The following ADAM12 variants were observed in gnomAD, a reference collection of about 807,000 sequenced individuals.
ADAM12 encodes the protein ADAM metallopeptidase domain 12, also known as disintegrin and metalloproteinase domain-containing protein 12.
In ADAM12, 70 loss-of-function variants were observed where a neutral mutation model predicts 106.4. The observed-to-expected ratio is 0.66, with a 90% CI of 0.54 to 0.80. The LOEUF is 0.80. Among genes scored for constraint, ADAM12 ranks in the 30% least tolerant of loss-of-function variants. The pLI, the probability that ADAM12 is intolerant of heterozygous loss-of-function variation, is 0.00. For missense variants in ADAM12, 1,010 were observed against 1,171.9 expected, an observed-to-expected ratio of 0.86 and a Z score of 2.02; for synonymous variants, 420 against 433.5, an observed-to-expected ratio of 0.97 and a Z score of 0.39.
intron 3 of ADAM12, among the ~76,000 whole-genome samples, chr10:126,240,246 G>A (rs1446434209): frequency 6.6e-6 from 1 of 152,238 alleles, no homozygotes; most frequent in African/African-American, 2.4e-5. Context: ...ACCAAGACAG[G>A]CACACCCTTT....
At chr10:126,030,426 GGGAGACTGGTGACAGGTGTGAA>G (rs1953952648) in intron 21 of ADAM12, among the ~76,000 whole-genome samples, 2 of 152,202 alleles carry the variant, frequency 1.3e-5, no homozygotes, top group Admixed American at 6.5e-5. Context: ...CTTCTGGGAA[GGGAGACTGGTGACAGGTGTGAA>G]GGAGACTGTT....
chr10:126,081,159 G>T (rs781125861), intron 11 of ADAM12, among the ~76,000 whole-genome samples: 5 of 152,096 alleles, frequency 3.3e-5, no homozygotes, highest in Admixed American at 1.3e-4. Flanking sequence ...TAATAAACAC[G>T]CACTGAGTCT....
At position 126,066,920 on chromosome 10, in the gene ADAM12, C is replaced by G. The variant is rs1954883085; in HGVS notation, c.1324-114G>C. On this transcript the variant is annotated intron_variant, in intron 12 of 22. Coordinates refer to ENST00000448723, the MANE Select transcript of ADAM12 (RefSeq NM_001288973.2). The surrounding 1 kb of genome is among the most constrained non-coding windows in gnomAD (Gnocchi z 5.1). ...AGCAAGAAAGACCAAGAGGGCCCAG[C>G]TCCTGAACTGCACACCTGCCTGTTT... 1.0e-6 allele frequency: 1 copy of G among 955,766 alleles called. No homozygotes were observed. Among genetic ancestry groups the G allele is most frequent in the South Asian group, 1.5e-5 (1 of 67,010 alleles). 59.2% of individuals were successfully genotyped at this position (955,766 alleles called of 1,614,324 possible).
chr10:126,049,803 G>A lies in ADAM12; in HGVS notation c.1610-134C>T, dbSNP rs549285381. 6 of 796,978 alleles carry A rather than the reference G, an allele frequency of 7.5e-6. No homozygotes were observed. Among genetic ancestry groups the A allele is most frequent in the African/African-American group, 1.7e-5 (1 of 57,518 alleles). 49.4% of individuals were successfully genotyped at this position (796,978 alleles called of 1,614,324 possible). A position where few individuals can be genotyped will look rare whatever the true frequency, so the allele number is the denominator to read the frequency against. On this transcript the variant is annotated intron_variant, in intron 14 of 22. Coordinates refer to ENST00000448723, the MANE Select transcript of ADAM12 (RefSeq NM_001288973.2). This position sits in a 1 kb window ranked among gnomAD's most constrained non-coding sequence, Gnocchi z 4.4. ...CCCAGTGTCTGTCCCGACTCATGGTGGGAGCTGGCCAGGGGAAGCCTAGGG... is the reference window on the plus strand; with the variant it reads ...CCCAGTGTCTGTCCCGACTCATGGTAGGAGCTGGCCAGGGGAAGCCTAGGG...
chr10:126,238,231 C>G (rs1958456980), intron 3 of ADAM12, among the ~76,000 whole-genome samples: 1 of 152,194 alleles, frequency 6.6e-6, no homozygotes, highest in Admixed American at 6.5e-5. Flanking sequence ...TGTAATCTCA[C>G]CACATTGTGA....
At chr10:126,110,853 G>A (rs1292893334) in intron 6 of ADAM12, among the ~76,000 whole-genome samples, 1 of 152,222 alleles carries the variant, frequency 6.6e-6, no homozygotes, top group East Asian at 1.9e-4. Flanking sequence ...GCCATAAAAT[G>A]CAGTTGGAGG....
chr10:126,200,558 G>A (rs1358544369), intron 3 of ADAM12, among the ~76,000 whole-genome samples: 3 of 152,068 alleles, frequency 2.0e-5, no homozygotes, highest in South Asian at 4.2e-4. Flanking sequence ...CATCTTAATC[G>A]ACAACACCAC....
chr10:126,345,205 C>A (rs1855090733), intron 1 of ADAM12, among the ~76,000 whole-genome samples: 1 of 152,120 alleles, frequency 6.6e-6, no homozygotes, highest in African/African-American at 2.4e-5. Context: ...CCCATCAATA[C>A]CTAATTTATT....
At chr10:126,303,864 A>G (rs950918013) in intron 2 of ADAM12, among the ~76,000 whole-genome samples, 1 of 152,208 alleles carries the variant, frequency 6.6e-6, no homozygotes, top group Admixed American at 6.5e-5. Flanking sequence ...CAAAGATCCT[A>G]GACTGAAGAT....
At chr10:126,174,576 G>C (rs1370716586) in intron 3 of ADAM12, among the ~76,000 whole-genome samples, 3 of 152,118 alleles carry the variant, frequency 2.0e-5, no homozygotes, top group African/African-American at 4.8e-5. Flanking sequence ...ATGTACAATT[G>C]CATGTTTTTT....
chr10:126,054,580 C>G (rs1954587518), intron 14 of ADAM12, among the ~76,000 whole-genome samples: 1 of 152,230 alleles, frequency 6.6e-6, no homozygotes, highest in South Asian at 2.1e-4. Context: ...ATTGCCCCCT[C>G]CTGTCTGACT....
intron 11 of ADAM12, among the ~76,000 whole-genome samples, chr10:126,083,995 C>T (rs1955286521): frequency 6.6e-6 from 1 of 152,168 alleles, no homozygotes; most frequent in African/African-American, 2.4e-5. Context: ...AACCACCAGG[C>T]CAGGAGCAAA....
intron 1 of ADAM12, among the ~76,000 whole-genome samples, chr10:126,372,839 A>G (rs1856156022): frequency 6.6e-6 from 1 of 152,162 alleles, no homozygotes; most frequent in Non-Finnish European, 1.5e-5. Flanking sequence ...GATGATAATC[A>G]CCTTTTTAAA....
rs71309278 is a variant in ADAM12 at position 126,113,687 on chromosome 10, AATATATAT to A, written c.604-3855_604-3848del. Among the ~76,000 whole-genome samples, 78 of 24,082 alleles carry A rather than the reference AATATATAT, an allele frequency of 3.2e-3. 1 individual carries two copies. Among genetic ancestry groups the A allele is most frequent in the Non-Finnish European group, 3.6e-3 (56 of 15,412 alleles). 15.8% of individuals were successfully genotyped at this position (24,082 alleles called of 152,430 possible). On this transcript the variant is annotated intron_variant, in intron 6 of 22. Coordinates refer to ENST00000448723, the MANE Select transcript of ADAM12 (RefSeq NM_001288973.2). ...AAAAAAAAAAAAAAAAAAAAAAAAA[AATATATAT>A]ATATATATATATATATATATATATA...
intron 14 of ADAM12, among the ~76,000 whole-genome samples, chr10:126,057,943 G>A (rs888008021): frequency 6.6e-6 from 1 of 152,182 alleles, no homozygotes; most frequent in Non-Finnish European, 1.5e-5. Flanking sequence ...AATGGCAGAG[G>A]TATGCACATA....
rs1003673162 is a variant in ADAM12, at chr10:126,053,523, A to G, written c.1610-3854T>C. On this transcript the variant is annotated intron_variant, in intron 14 of 22. Coordinates refer to ENST00000448723, the MANE Select transcript of ADAM12 (RefSeq NM_001288973.2). This position sits in a 1 kb window ranked among gnomAD's most constrained non-coding sequence, Gnocchi z 4.6. ...AAACCCTCAGAAAGGCTTGTGGCCA[A>G]TTCGAATATGTGAATTTTTACCAAC... is the stretch of plus-strand genomic sequence containing the variant. Among the ~76,000 whole-genome samples the G allele has an allele frequency of 6.6e-6, 1 of 152,160 alleles. No individual in the cohort carries two copies. Among genetic ancestry groups the G allele is most frequent in the African/African-American group, 2.4e-5 (1 of 41,440 alleles).
At position 126,230,491 on chromosome 10, in the gene ADAM12, G is replaced by A. The variant is rs138655583; in HGVS notation, c.260+48424C>T. Reference sequence around the variant, plus strand: ...TGTATTTCTAAACTGCTCTACCAAAGGGTGTATCCATTTCCACTCTTCCAA... The same window carrying A: ...TGTATTTCTAAACTGCTCTACCAAAAGGTGTATCCATTTCCACTCTTCCAA... On this transcript the variant is annotated intron_variant, in intron 3 of 22. Transcript: ENST00000448723. 3.4e-3 allele frequency among the ~76,000 whole-genome samples: 523 copies of A among 152,274 alleles called. 4 individuals carry two copies. Among genetic ancestry groups the A allele is most frequent in the African/African-American group, 0.012 (500 of 41,562 alleles).
chr10:126,079,970 C>T (rs558697281), intron 11 of ADAM12, among the ~76,000 whole-genome samples: 6 of 152,260 alleles, frequency 3.9e-5, no homozygotes, highest in African/African-American at 1.2e-4. Context: ...TGCTAAAAAT[C>T]CCAAGAGTAT....
intron 2 of ADAM12, among the ~76,000 whole-genome samples, chr10:126,321,027 G>T (rs1854076759): frequency 1.3e-5 from 2 of 152,290 alleles, no homozygotes; most frequent in South Asian, 4.1e-4. Flanking sequence ...TCAAGGGCAG[G>T]ATTGGGTCCC....
Sources: allele counts gnomAD v4.1 joint callset (sites outside exome capture counted in the v4.1 genomes callset), GRCh38; gene constraint gnomAD v4.1.1; non-coding constraint Gnocchi (gnomAD v3.1); transcripts MANE v1.5; gene names NCBI Gene and HGNC (gene_info 2026-07-23, HGNC 2026-07-21).